PTPRD: variants seen among roughly 807,000 people sequenced by gnomAD.
PTPRD encodes the protein receptor-type tyrosine-protein phosphatase delta.
PTPRD carries 34 observed loss-of-function variants against 214.5 expected under a neutral mutation model. That is an observed-to-expected ratio of 0.16 (90% confidence interval 0.12 to 0.21). The LOEUF is 0.21. Ranked by LOEUF, PTPRD falls within the 10% of genes least tolerant of loss-of-function variation. PTPRD has a pLI of 1.00. For missense variants in PTPRD, 2,545 were observed against 2,398.7 expected (o/e 1.06, Z -1.27); for synonymous variants, 1,128 against 845.7 (o/e 1.33, Z -5.79).
intron 10 of PTPRD, among the ~76,000 whole-genome samples, chr9:9,181,373 G>T (rs897386429): frequency 3.3e-5 from 5 of 151,834 alleles, no homozygotes; most frequent in Non-Finnish European, 7.4e-5. Context: ...TATGATTCAA[G>T]CAACTATCCT....
chr9:9,116,076 G>A (rs560494332), intron 10 of PTPRD, among the ~76,000 whole-genome samples: 30 of 152,154 alleles, frequency 2.0e-4, no homozygotes, highest in African/African-American at 7.2e-4. Flanking sequence ...CTGGAAGGAG[G>A]GGAAGGGTTG....
chr9:10,461,622 T>TTTTTTTTTTC (rs1491199026), intron 2 of PTPRD, among the ~76,000 whole-genome samples: 1 of 126,188 alleles, frequency 7.9e-6, no homozygotes, highest in Non-Finnish European at 1.7e-5. Context: ...CATGACATTC[T>TTTTTTTTTTC]TTTTTTTTTT....
At chr9:9,550,425 T>C (rs969900418) in intron 8 of PTPRD, among the ~76,000 whole-genome samples, 5 of 148,134 alleles carry the variant, frequency 3.4e-5, no homozygotes, top group African/African-American at 1.2e-4. Context: ...TATATAAAAT[T>C]ATATATTAAT....
At chr9:10,240,599 A>G (rs1341623708) in intron 3 of PTPRD, among the ~76,000 whole-genome samples, 2 of 152,126 alleles carry the variant, frequency 1.3e-5, no homozygotes, top group East Asian at 3.9e-4. Flanking sequence ...TAGTAACACA[A>G]TTTTAAGAAG....
At chr9:9,962,202 T>C (rs1011562265) in intron 4 of PTPRD, among the ~76,000 whole-genome samples, 5 of 152,050 alleles carry the variant, frequency 3.3e-5, no homozygotes, top group African/African-American at 4.8e-5. Context: ...CATATCAAAA[T>C]ACGTCAGGAA....
At chr9:8,959,015 G>A (rs546507525) in intron 11 of PTPRD, among the ~76,000 whole-genome samples, 2 of 151,934 alleles carry the variant, frequency 1.3e-5, no homozygotes, top group Non-Finnish European at 2.9e-5. Flanking sequence ...ACTGAGACAG[G>A]TCCTCGAGGA....
At chr9:8,797,302 A>T (rs1261302173) in intron 11 of PTPRD, 4 of 152,190 alleles carry the variant, frequency 2.6e-5, no homozygotes, top group Non-Finnish European at 4.4e-5. Flanking sequence ...TCTCACGATA[A>T]CCATAATGTA....
At chr9:10,256,404 T>C (rs1595493966) in intron 3 of PTPRD, among the ~76,000 whole-genome samples, 1 of 151,278 alleles carries the variant, frequency 6.6e-6, no homozygotes, top group Non-Finnish European at 1.5e-5. Context: ...GCTTTTTTTT[T>C]TTTTAATAAG....
intron 5 of PTPRD, among the ~76,000 whole-genome samples, chr9:9,882,620 G>A (rs1565983813): frequency 2.0e-5 from 3 of 152,122 alleles, no homozygotes; most frequent in African/African-American, 7.2e-5. Flanking sequence ...TTATCTATAA[G>A]CCCACTGTAA....
chr9:10,196,963 C>G (rs1564462725), intron 3 of PTPRD, among the ~76,000 whole-genome samples: 1 of 152,084 alleles, frequency 6.6e-6, no homozygotes, highest in African/African-American at 2.4e-5. Context: ...AGAAGATGGC[C>G]CTCATCGGAA....
intron 3 of PTPRD, among the ~76,000 whole-genome samples, chr9:10,293,443 T>C (rs2095587543): frequency 6.6e-6 from 1 of 151,918 alleles, no homozygotes. Flanking sequence ...TTGATATTAT[T>C]TACTGTAGAT....
chr9:10,256,634 T>C (rs192489162), intron 3 of PTPRD, among the ~76,000 whole-genome samples: 86 of 152,266 alleles, frequency 5.6e-4, no homozygotes, highest in Admixed American at 5.2e-4. Flanking sequence ...ATTTGAGAAA[T>C]TCAACTAATC....
intron 5 of PTPRD, among the ~76,000 whole-genome samples, chr9:9,798,372 A>G (rs2099017381): frequency 6.6e-6 from 1 of 152,208 alleles, no homozygotes; most frequent in Non-Finnish European, 1.5e-5. Flanking sequence ...CATTTGATGA[A>G]GTAAATAGTT....
intron 11 of PTPRD, among the ~76,000 whole-genome samples, chr9:8,885,368 G>C (rs560198382): frequency 3.9e-5 from 6 of 152,082 alleles, no homozygotes; most frequent in Admixed American, 2.0e-4. Flanking sequence ...AAACTAAGAT[G>C]ATTGGTTACC....
At chr9:9,669,293 G>T (rs1473713485) in intron 7 of PTPRD, among the ~76,000 whole-genome samples, 1 of 152,140 alleles carries the variant, frequency 6.6e-6, no homozygotes, top group Admixed American at 6.5e-5. Flanking sequence ...GAACACAACA[G>T]ATAGAGATTC....
chr9:8,382,421 T>A (rs2085397382), intron 37 of PTPRD, among the ~76,000 whole-genome samples: 1 of 152,160 alleles, frequency 6.6e-6, no homozygotes, highest in Non-Finnish European at 1.5e-5. Context: ...CAAAGTTGCA[T>A]CTCCTCCTCC....
intron 2 of PTPRD, among the ~76,000 whole-genome samples, chr9:10,470,646 T>C (rs2099024327): frequency 6.6e-6 from 1 of 152,082 alleles, no homozygotes; most frequent in Admixed American, 6.6e-5. Flanking sequence ...TTTAACAACA[T>C]TTTTGGCTTT....
At chr9:9,521,852 T>C (rs1337584579) in intron 8 of PTPRD, among the ~76,000 whole-genome samples, 1 of 151,912 alleles carries the variant, frequency 6.6e-6, no homozygotes, top group African/African-American at 2.4e-5. Flanking sequence ...TTATAAATAC[T>C]ACAGAAAAAA....
At chr9:10,348,972 C>T (rs2097136548) in intron 2 of PTPRD, among the ~76,000 whole-genome samples, 1 of 152,070 alleles carries the variant, frequency 6.6e-6, no homozygotes, top group Non-Finnish European at 1.5e-5. Flanking sequence ...AATTGATCAA[C>T]CTATCAATTA....
Sources: gnomAD v4.1 joint callset for allele counts (sites outside exome capture counted in the v4.1 genomes callset) on GRCh38, gnomAD v4.1.1 for gene constraint, MANE v1.5 for transcripts, NCBI Gene and HGNC (gene_info 2026-07-23, HGNC 2026-07-21) for gene names.